Variants in TNRC6B observed in about 807,000 individuals in gnomAD.
The protein encoded by TNRC6B is trinucleotide repeat-containing gene 6B protein.
A neutral mutation model predicts 203.6 loss-of-function variants in TNRC6B; 52 were observed. The observed-to-expected ratio is 0.26, with a 90% CI of 0.20 to 0.32. The LOEUF (loss-of-function observed/expected upper bound fraction) is 0.32. Ranked by LOEUF, TNRC6B falls within the 10% of genes least tolerant of loss-of-function variation. The pLI is 1.00. For synonymous variants in TNRC6B, 838 were observed against 845.7 expected, an observed-to-expected ratio of 0.99 and a Z score of 0.16; for missense variants, 1,923 against 2,286.2, an observed-to-expected ratio of 0.84 and a Z score of 3.24.
At chr22:40,284,452 A>G (rs1250612489) in intron 11 of TNRC6B, among the ~76,000 whole-genome samples, 1 of 152,220 alleles carries the variant, frequency 6.6e-6, no homozygotes, top group African/African-American at 2.4e-5. Context: ...GGGTATATGT[A>G]TAATACTCAG....
At chr22:40,276,167 T>A (rs927470146) in intron 7 of TNRC6B, among the ~76,000 whole-genome samples, 2 of 151,582 alleles carry the variant, frequency 1.3e-5, no homozygotes, top group African/African-American at 2.4e-5. Flanking sequence ...CTAGCATGGT[T>A]AAACCCCATC....
intron 1 of TNRC6B, among the ~76,000 whole-genome samples, chr22:40,196,321 T>C (rs541768436): frequency 4.6e-5 from 7 of 150,716 alleles, no homozygotes; most frequent in African/African-American, 1.7e-4. Context: ...GCTAATTTTT[T>C]TGTAGAGGTG....
intron 1 of TNRC6B, among the ~76,000 whole-genome samples, chr22:40,208,111 CAAAAAAAAAAAAA>C (rs905832467): frequency 2.7e-5 from 2 of 74,924 alleles, no homozygotes; most frequent in Non-Finnish European, 6.7e-5. Flanking sequence ...GACTCCATCT[CAAAAAAAAAAAAA>C]AAAAAAAACA....
At chr22:40,118,160 G>A (rs2068408492) in intron 2 of TNRC6B, among the ~76,000 whole-genome samples, 1 of 152,114 alleles carries the variant, frequency 6.6e-6, no homozygotes. Context: ...AGGCTTATGT[G>A]CCTAGTGTAT....
chr22:40,225,742 C>CA (rs34769532), intron 1 of TNRC6B, among the ~76,000 whole-genome samples: 1,706 of 64,220 alleles, frequency 0.027, 115 homozygotes, highest in African/African-American at 0.091. Flanking sequence ...GACTCCGTCT[C>CA]AAAAAAAAAA....
At chr22:40,214,833 C>G (rs939779987) in intron 1 of TNRC6B, among the ~76,000 whole-genome samples, 1 of 152,180 alleles carries the variant, frequency 6.6e-6, no homozygotes, top group Non-Finnish European at 1.5e-5. Context: ...AGATTACAGG[C>G]ATGAACCACC....
Position 40,219,883 on chromosome 22 carries a change from T to C in TNRC6B, c.6-26132T>C, listed in dbSNP as rs192643309. On this transcript the variant is annotated intron_variant, in intron 1 of 22. Coordinates refer to ENST00000454349, the MANE Select transcript of TNRC6B (RefSeq NM_001162501.2). ...GTCTGCTGGTTTAATGCCTGTTCCC[T>C]TTACTGGAATGTAAGCATGATTTTG... Among the ~76,000 whole-genome samples, 4 of 152,304 alleles carry C rather than the reference T, an allele frequency of 2.6e-5. No homozygotes were observed. In the South Asian group the frequency reaches 6.2e-4, roughly 24 times the overall value.
rs1456160048 is a variant in TNRC6B, at chr22:40,266,279, C to G, written c.2049C>G (p.Leu683=). The part of the protein sequence containing the change: ...SNQMKSGWGE[L]SASTEWKDPK... ...AAATGAAGTCTGGATGGGGGGAGCT[C>G]TCAGCCTCTACAGAGTGGAAAGACC... The change falls in exon 5 of 23, where the codon CTC becomes CTG. Residue 683 remains leucine (L), a synonymous_variant. Transcript: ENST00000454349. The G allele has an allele frequency of 6.3e-7, 1 of 1,591,522 alleles. No homozygotes were observed. The highest frequency in any genetic ancestry group is 8.6e-7 in the Non-Finnish European group (1 of 1,168,750).
intron 1 of TNRC6B, among the ~76,000 whole-genome samples, chr22:40,113,502 A>G (rs1273650599): frequency 1.3e-5 from 2 of 152,076 alleles, no homozygotes; most frequent in African/African-American, 4.8e-5. Context: ...CTACAGGTGC[A>G]TACTACAATG....
chr22:40,173,633 C>CA (rs2069025462), upstream of TNRC6B, among the ~76,000 whole-genome samples: 1 of 150,122 alleles, frequency 6.7e-6, no homozygotes, highest in South Asian at 2.1e-4. Context: ...TGCCCAGTCT[C>CA]AAACTCTTGG....
intron 4 of TNRC6B, among the ~76,000 whole-genome samples, chr22:40,170,221 T>C (rs2068958624): frequency 1.4e-5 from 2 of 147,218 alleles, no homozygotes; most frequent in Admixed American, 1.4e-4. Context: ...GAGGCTGTGG[T>C]GAGCCATGTT....
chr22:40,212,915 G>T (rs1369154623), intron 1 of TNRC6B, among the ~76,000 whole-genome samples: 4 of 152,154 alleles, frequency 2.6e-5, no homozygotes, highest in Non-Finnish European at 4.4e-5. Flanking sequence ...CTCCCAAAGT[G>T]CTGGGATTAC....
chr22:40,163,708 C>A (rs1205801481), intron 4 of TNRC6B, among the ~76,000 whole-genome samples: 1 of 151,914 alleles, frequency 6.6e-6, no homozygotes, highest in South Asian at 2.1e-4. Flanking sequence ...TTGCAGTGAG[C>A]CAAGATGGCA....
intron 4 of TNRC6B, among the ~76,000 whole-genome samples, chr22:40,160,951 G>A (rs950572175): frequency 6.6e-6 from 1 of 151,906 alleles, no homozygotes; most frequent in African/African-American, 2.4e-5. Context: ...TTTTTATTTT[G>A]TGTATCACCT....
At chr22:40,106,717 T>A in intron 1 of TNRC6B, 1 of 761,732 alleles carries the variant, frequency 1.3e-6, no homozygotes, top group Non-Finnish European at 2.4e-6. Context: ...CATTGAAGAT[T>A]TCAGGAAGGC....
intron 13 of TNRC6B, 145 bp from the exon 14 acceptor site, chr22:40,300,765 C>A: frequency 8.2e-7 from 1 of 1,220,964 alleles, no homozygotes; most frequent in Non-Finnish European, 1.1e-6. Flanking sequence ...GAAAATGTAA[C>A]CAAGAGACCG....
chr22:40,272,912 G>C (rs1237689297), intron 6 of TNRC6B, among the ~76,000 whole-genome samples: 1 of 152,098 alleles, frequency 6.6e-6, no homozygotes, highest in African/African-American at 2.4e-5. Context: ...ATTCAAAAAT[G>C]TTATAAAAAA....
intron 4 of TNRC6B, 29 bp from the exon 5 acceptor site, chr22:40,264,659 T>G: frequency 1.3e-6 from 2 of 1,543,306 alleles, no homozygotes; most frequent in South Asian, 2.5e-5. Flanking sequence ...CATTTGAAGC[T>G]GTGATTAATA....
chr22:40,265,849 A>G lies in TNRC6B; in HGVS notation c.1619A>G (p.Asn540Ser). ...QPNSSTGAWD[N>S]QKGHPLPENQ... ...AATTCTAGCACTGGAGCATGGGACAATCAAAAGGGCCACCCCCTCCCTGAA... is the reference window on the plus strand; with the variant it reads ...AATTCTAGCACTGGAGCATGGGACAGTCAAAAGGGCCACCCCCTCCCTGAA... The change falls in exon 5 of 23, where the codon AAT becomes AGT. Residue 540 changes from asparagine to serine, a missense_variant. Asn to Ser is a conservative substitution (Grantham distance 46, BLOSUM62 1). Coordinates refer to ENST00000454349, the MANE Select transcript of TNRC6B (RefSeq NM_001162501.2). 2 of 1,614,004 alleles carry G rather than the reference A, an allele frequency of 1.2e-6. No homozygotes were observed. The highest frequency in any genetic ancestry group is 8.5e-7 in the Non-Finnish European group (1 of 1,179,892).
Sources: gnomAD v4.1 joint callset for allele counts (sites outside exome capture counted in the v4.1 genomes callset) on GRCh38, gnomAD v4.1.1 for gene constraint, MANE v1.5 for transcripts, NCBI Gene and HGNC (gene_info 2026-07-23, HGNC 2026-07-21) for gene names.